Variants in NENF observed in about 807,000 individuals in gnomAD.
NENF encodes neudesin.
NENF carries 6 observed loss-of-function variants against 14.8 expected under a neutral mutation model. That is an observed-to-expected ratio of 0.40 (90% confidence interval 0.22 to 0.80). The LOEUF (loss-of-function observed/expected upper bound fraction) is 0.80, where lower values mean the gene tolerates loss of function less well. NENF is among the 30% of genes least tolerant of loss of function. NENF has a pLI of 0.34. For missense variants in NENF, 184 were observed against 212.7 expected, an observed-to-expected ratio of 0.87 and a Z score of 0.84; for synonymous variants, 76 against 95.1, an observed-to-expected ratio of 0.80 and a Z score of 1.17.
intron 1 of NENF, among the ~76,000 whole-genome samples, chr1:212,440,823 G>A (rs757440437): frequency 6.6e-5 from 10 of 152,110 alleles, no homozygotes; most frequent in Non-Finnish European, 1.2e-4. Flanking sequence ...CTGCACAAGC[G>A]CAAGAACACT....
chr1:212,437,000 G>A (rs555358392), intron 1 of NENF, among the ~76,000 whole-genome samples: 1 of 151,908 alleles, frequency 6.6e-6, no homozygotes, highest in Non-Finnish European at 1.5e-5. Flanking sequence ...AGATGGTGGT[G>A]TGCACAGGCT....
At chr1:212,441,779 T>C (rs1221399818) in intron 1 of NENF, among the ~76,000 whole-genome samples, 1 of 151,470 alleles carries the variant, frequency 6.6e-6, no homozygotes, top group Admixed American at 6.6e-5. Context: ...TGAGTGAAAC[T>C]CTGTCTCAAA....
chr1:212,434,185 G>C (rs1662569069), intron 1 of NENF, among the ~76,000 whole-genome samples: 1 of 152,208 alleles, frequency 6.6e-6, no homozygotes, highest in South Asian at 2.1e-4. Context: ...CCGAGGGAGG[G>C]AGACATGGCT....
chr1:212,433,138 G>A lies in NENF; in HGVS notation c.177+18G>A, dbSNP rs1662546681. On this transcript the variant is annotated intron_variant, in intron 1 of 3. Coordinates refer to ENST00000366988, the MANE Select transcript of NENF (RefSeq NM_013349.5). This position sits in a 1 kb window ranked among gnomAD's most constrained non-coding sequence, Gnocchi z 5.5. ...GGGAGGAGGTAGGCGGGGGTGTCGC[G>A]GGCCGAGGGACCCGGGGTGGCGTCC... is the stretch of plus-strand genomic sequence containing the variant. 8.5e-7 allele frequency: 1 copy of A among 1,174,150 alleles called. No homozygotes were observed. The highest frequency in any genetic ancestry group is 3.7e-5 in the East Asian group (1 of 27,282). The allele number at this position is 1,174,150 out of a possible 1,614,324, so 72.7% of individuals were successfully genotyped here. A position where few individuals can be genotyped will look rare whatever the true frequency, so the allele number is the denominator to read the frequency against.
chr1:212,436,331 G>C (rs1384801159), intron 1 of NENF, among the ~76,000 whole-genome samples: 1 of 115,382 alleles, frequency 8.7e-6, no homozygotes, highest in Non-Finnish European at 1.7e-5. Context: ...TTTTTTTTGA[G>C]ACGGAGTCTT....
intron 1 of NENF, chr1:212,434,618 A>G (rs911447624): frequency 2.6e-5 from 4 of 152,224 alleles, no homozygotes; most frequent in African/African-American, 7.2e-5. Context: ...AAACCTGCAC[A>G]TAGATTCCCC....
In NENF at chr1:212,434,399, G is replaced by A. The variant is rs78060703; in HGVS notation, c.177+1279G>A. 9.5e-4 allele frequency among the ~76,000 whole-genome samples: 144 copies of A among 152,268 alleles called. 4 individuals carry two copies. The East Asian group carries it at 0.026, about 27-fold the overall frequency. ...AACGGTGGACTCACTTGCCTAGGCC[G>A]TATATACAGATGGTGTGGTTAGTAT... On this transcript the variant is annotated intron_variant, in intron 1 of 3. Transcript: ENST00000366988.
At chr1:212,435,616 C>A (rs1382886600) in intron 1 of NENF, among the ~76,000 whole-genome samples, 2 of 148,954 alleles carry the variant, frequency 1.3e-5, no homozygotes, top group Non-Finnish European at 3.0e-5. Flanking sequence ...GGCAGGAACA[C>A]AGCTCACTAC....
rs545375809 is a variant in NENF, at chr1:212,433,714, A to C, written c.177+594A>C. Among the ~76,000 whole-genome samples, 8 of 151,248 alleles carry C rather than the reference A, an allele frequency of 5.3e-5. No homozygotes were observed. The East Asian group carries it at 1.6e-3, about 30-fold the overall frequency. On this transcript the variant is annotated intron_variant, in intron 1 of 3. Transcript: ENST00000366988. The surrounding 1 kb of genome is among the most constrained non-coding windows in gnomAD (Gnocchi z 5.5). ...GGTGGACTGGAGGTTAGAGACCCCC[A>C]CAACCCCCCCGCCACACGTCAATAG...
At chr1:212,444,496 T>C (rs1201353830) in intron 3 of NENF, 54 bp downstream of exon 3, 20 of 1,211,838 alleles carry the variant, frequency 1.7e-5, no homozygotes, top group Non-Finnish European at 2.1e-5. Context: ...TCCATGCCTT[T>C]TTCTCTTTTT....
Position 212,446,083 on chromosome 1 carries a change from C to T in NENF, c.*77C>T. 1 of 1,491,874 alleles carries T rather than the reference C, an allele frequency of 6.7e-7. No homozygotes were observed. The highest frequency in any genetic ancestry group is 1.7e-5 in the Admixed American group (1 of 57,380). 92.4% of individuals were successfully genotyped at this position (1,491,874 alleles called of 1,614,324 possible). ...GGTGCTGAATCTCCTGCAAAACTGG[C>T]TGCCTGGAGGCCCTGAGCCACCCAG... On this transcript the variant is annotated 3_prime_UTR_variant, in exon 4 of 4. Coordinates refer to ENST00000366988, the MANE Select transcript of NENF (RefSeq NM_013349.5).
intron 2 of NENF, 83 bp downstream of exon 2, chr1:212,442,708 G>C (rs892673694): frequency 3.0e-5 from 29 of 967,038 alleles, no homozygotes; most frequent in Non-Finnish European, 4.4e-5. Flanking sequence ...TGAGGAAAGG[G>C]AGGGAACATT....
At position 212,446,039 on chromosome 1, in the gene NENF, G is replaced by T. The variant is rs777398304; in HGVS notation, c.*33G>T. On this transcript the variant is annotated 3_prime_UTR_variant, in exon 4 of 4. Transcript: ENST00000366988. ...CCTGCAGGAGCAGGTTCTTGGGAGC[G>T]TGAGGCAGGAAGACACTAGGTGCTG... is the stretch of plus-strand genomic sequence containing the variant. The T allele has an allele frequency of 6.2e-7, 1 of 1,610,574 alleles. No homozygotes were observed. Among genetic ancestry groups the T allele is most frequent in the Non-Finnish European group, 8.5e-7 (1 of 1,177,266 alleles).
At chr1:212,435,527 C>G (rs114091629) in intron 1 of NENF, among the ~76,000 whole-genome samples, 3,149 of 151,368 alleles carry the variant, frequency 0.021, 103 homozygotes, top group African/African-American at 0.072. Flanking sequence ...TTGACTACCC[C>G]CAAAACTACA....
At position 212,433,139 on chromosome 1, in the gene NENF, G is replaced by A; in HGVS notation, c.177+19G>A. The A allele has an allele frequency of 8.5e-7, 1 of 1,173,746 alleles. No individual in the cohort carries two copies. The highest frequency in any genetic ancestry group is 1.1e-6 in the Non-Finnish European group (1 of 948,438). 72.7% of individuals were successfully genotyped at this position (1,173,746 alleles called of 1,614,324 possible). A position where few individuals can be genotyped will look rare whatever the true frequency, so the allele number is the denominator to read the frequency against. ...GGAGGAGGTAGGCGGGGGTGTCGCG[G>A]GCCGAGGGACCCGGGGTGGCGTCCG... On this transcript the variant is annotated intron_variant, in intron 1 of 3. Coordinates refer to ENST00000366988, the MANE Select transcript of NENF (RefSeq NM_013349.5). The surrounding 1 kb of genome is among the most constrained non-coding windows in gnomAD (Gnocchi z 5.5).
At position 212,440,509 on chromosome 1, in the gene NENF, G is replaced by A. The variant is rs545686274; in HGVS notation, c.178-2056G>A. Among the ~76,000 whole-genome samples, 4 of 152,264 alleles carry A rather than the reference G, an allele frequency of 2.6e-5. No individual in the cohort carries two copies. In the East Asian group the frequency reaches 7.7e-4, roughly 29 times the overall value. ...GTTTCAAATGACCCGTGTTAGATGAGGTGGAGCAAGTGTCCACAGAGTCAA... is the reference window on the plus strand; with the variant it reads ...GTTTCAAATGACCCGTGTTAGATGAAGTGGAGCAAGTGTCCACAGAGTCAA... On this transcript the variant is annotated intron_variant, in intron 1 of 3. Coordinates refer to ENST00000366988, the MANE Select transcript of NENF (RefSeq NM_013349.5).
At chr1:212,439,580 A>G (rs1662668127) in intron 1 of NENF, among the ~76,000 whole-genome samples, 1 of 149,690 alleles carries the variant, frequency 6.7e-6, no homozygotes, top group South Asian at 2.1e-4. Context: ...GTGTTGCCTC[A>G]TGCCTATAAT....
At chr1:212,441,034 C>T (rs1662691330) in intron 1 of NENF, among the ~76,000 whole-genome samples, 2 of 152,184 alleles carry the variant, frequency 1.3e-5, no homozygotes, top group South Asian at 4.2e-4. Context: ...CTGAGCCCAA[C>T]TTGATGGAAG....
chr1:212,437,743 G>C (rs1185181218), intron 1 of NENF, among the ~76,000 whole-genome samples: 2 of 152,216 alleles, frequency 1.3e-5, no homozygotes, highest in Admixed American at 1.3e-4. Context: ...ACTGCACCAA[G>C]AGCCAGTTCT....
Sources: gnomAD v4.1 joint callset for allele counts (sites outside exome capture counted in the v4.1 genomes callset) on GRCh38, gnomAD v4.1.1 for gene constraint, Gnocchi (gnomAD v3.1) non-coding constraint, MANE v1.5 for transcripts, NCBI Gene and HGNC (gene_info 2026-07-23, HGNC 2026-07-21) for gene names.